The following KCNIP1 variants were observed in gnomAD, a reference collection of about 807,000 sequenced individuals.
KCNIP1 encodes the protein A-type potassium channel modulatory protein KCNIP1.
Under a neutral mutation model 33.0 loss-of-function variants are expected in KCNIP1, and 18 were observed. That is an observed-to-expected ratio of 0.55 (90% CI 0.38 to 0.81). The LOEUF is 0.81. Ranked by LOEUF, KCNIP1 falls within the 30% of genes least tolerant of loss-of-function variation. KCNIP1 has a pLI of 0.00. For synonymous variants in KCNIP1, 93 were observed against 98.3 expected, an observed-to-expected ratio of 0.95 and a Z score of 0.32; for missense variants, 238 against 271.6, an observed-to-expected ratio of 0.88 and a Z score of 0.87.
intron 1 of KCNIP1, among the ~76,000 whole-genome samples, chr5:170,563,370 G>T (rs754210287): frequency 6.6e-6 from 1 of 152,102 alleles, no homozygotes; most frequent in African/African-American, 2.4e-5. Context: ...GCTGGACTCG[G>T]GCCCACAATC....
At chr5:170,502,058 C>A (rs944780104), upstream of KCNIP1, among the ~76,000 whole-genome samples, 1 of 152,194 alleles carries the variant, frequency 6.6e-6, no homozygotes, top group African/African-American at 2.4e-5. Context: ...CCCAGGAGAC[C>A]ACGACAGAGG....
rs557550019 is a variant in KCNIP1 at position 170,600,863 on chromosome 5, C to T, written c.61+96230C>T. On this transcript the variant is annotated intron_variant, in intron 1 of 7. Transcript: ENST00000328939. Reference sequence around the variant, plus strand: ...CGGTCGCTGTGAGGTGTAATGAGATCGCACATATAAATTGATTAGTGCAGG... The same window carrying T: ...CGGTCGCTGTGAGGTGTAATGAGATTGCACATATAAATTGATTAGTGCAGG... Among the ~76,000 whole-genome samples the T allele has an allele frequency of 8.5e-5, 13 of 152,274 alleles. No individual in the cohort carries two copies. In the South Asian group the frequency reaches 1.5e-3, roughly 17 times the overall value.
At chr5:170,519,722 C>T (rs1274763782) in intron 1 of KCNIP1, among the ~76,000 whole-genome samples, 1 of 151,950 alleles carries the variant, frequency 6.6e-6, no homozygotes, top group Non-Finnish European at 1.5e-5. Flanking sequence ...AATCTTGGAA[C>T]AAAGTCAAGA....
chr5:170,527,570 A>T (rs966354079), intron 1 of KCNIP1, among the ~76,000 whole-genome samples: 1 of 151,902 alleles, frequency 6.6e-6, no homozygotes, highest in Non-Finnish European at 1.5e-5. Context: ...TCACAGCTGC[A>T]GCAGAACCAG....
intron 6 of KCNIP1, 100 bp from the exon 7 acceptor site, chr5:170,733,736 C>A: frequency 1.0e-6 from 1 of 970,088 alleles, no homozygotes; most frequent in Non-Finnish European, 1.6e-6. Flanking sequence ...ATGAAATGAG[C>A]TCCAGCTCGT....
At chr5:170,654,512 C>CAT (rs1015849366) in intron 1 of KCNIP1, among the ~76,000 whole-genome samples, 1 of 152,118 alleles carries the variant, frequency 6.6e-6, no homozygotes, top group Non-Finnish European at 1.5e-5. Flanking sequence ...GTAGGAAATG[C>CAT]ATATATATAA....
chr5:170,383,491 G>A (rs1196779779), intron 1 of KCNIP1: 20 of 664,966 alleles, frequency 3.0e-5, no homozygotes, highest in Non-Finnish European at 4.0e-5. Flanking sequence ...GCCAGTTAGC[G>A]GCAGATTCAA....
chr5:170,539,808 G>A (rs961840198), intron 1 of KCNIP1, among the ~76,000 whole-genome samples: 1 of 152,044 alleles, frequency 6.6e-6, no homozygotes, highest in Non-Finnish European at 1.5e-5. Flanking sequence ...GGGAAGTGAG[G>A]GGCTGAATTG....
At position 170,618,522 on chromosome 5, in the gene KCNIP1, G is replaced by A. The variant is rs1376662018; in HGVS notation, c.62-100236G>A. ...AGGGAGGAAAGGAGGAAGGAAGGGA[G>A]GGAGGGAGGGAGGAAAGGAGGGAGG... is the stretch of plus-strand genomic sequence containing the variant. On this transcript the variant is annotated intron_variant, in intron 1 of 7. Transcript: ENST00000328939. Among the ~76,000 whole-genome samples, 14 of 109,768 alleles carry A rather than the reference G, an allele frequency of 1.3e-4. 1 individual carries two copies. The highest frequency in any genetic ancestry group is 2.5e-4 in the Non-Finnish European group (13 of 51,892). The allele number at this position is 109,768 out of a possible 152,430, so 72.0% of individuals were successfully genotyped here.
chr5:170,442,515 T>A (rs1756017151), intron 1 of KCNIP1, among the ~76,000 whole-genome samples: 1 of 152,156 alleles, frequency 6.6e-6, no homozygotes, highest in Non-Finnish European at 1.5e-5. Flanking sequence ...GGCCTCGTTC[T>A]GCGTTCAGGA....
chr5:170,442,538 G>GA (rs1756017739), intron 1 of KCNIP1, among the ~76,000 whole-genome samples: 1 of 152,110 alleles, frequency 6.6e-6, no homozygotes, highest in South Asian at 2.1e-4. Context: ...AGTTTCTCCA[G>GA]GGAAAGGCCT....
At chr5:170,667,004 A>G (rs529436459) in intron 1 of KCNIP1, among the ~76,000 whole-genome samples, 32 of 152,378 alleles carry the variant, frequency 2.1e-4, no homozygotes, top group Non-Finnish European at 3.8e-4. Context: ...CTGGTAAGAA[A>G]CAGGTATTTT....
At chr5:170,366,597 C>T (rs1424364302) in intron 1 of KCNIP1, among the ~76,000 whole-genome samples, 3 of 152,244 alleles carry the variant, frequency 2.0e-5, no homozygotes, top group Non-Finnish European at 1.5e-5. Context: ...CAGTATGTGA[C>T]TGGAAGTCAA....
At chr5:170,643,652 A>G (rs563574230) in intron 1 of KCNIP1, among the ~76,000 whole-genome samples, 5 of 152,374 alleles carry the variant, frequency 3.3e-5, no homozygotes, top group African/African-American at 1.2e-4. Flanking sequence ...TGAGCCTCTC[A>G]TCAGACCTCA....
chr5:170,466,565 T>C (rs911205990), intron 1 of KCNIP1, among the ~76,000 whole-genome samples: 1 of 152,230 alleles, frequency 6.6e-6, no homozygotes, highest in African/African-American at 2.4e-5. Flanking sequence ...GCATTCAGGC[T>C]GCTATAACAA....
chr5:170,719,709 T>C (rs936752227), intron 2 of KCNIP1, among the ~76,000 whole-genome samples: 1 of 152,006 alleles, frequency 6.6e-6, no homozygotes, highest in Non-Finnish European at 1.5e-5. Context: ...CTCCTGGGAG[T>C]TATCTGACAG....
chr5:170,591,659 AT>A (rs1474415556), intron 1 of KCNIP1, among the ~76,000 whole-genome samples: 1 of 152,116 alleles, frequency 6.6e-6, no homozygotes, highest in Non-Finnish European at 1.5e-5. Flanking sequence ...ATCTCTACAA[AT>A]TTGACTACTC....
intron 1 of KCNIP1, among the ~76,000 whole-genome samples, chr5:170,541,118 A>G (rs1254139433): frequency 6.6e-6 from 1 of 152,186 alleles, no homozygotes; most frequent in Non-Finnish European, 1.5e-5. Context: ...GACTTTGGAC[A>G]AGGCCCTTCC....
In KCNIP1 at chr5:170,365,293, TG is replaced by T. The variant is rs145932820; in HGVS notation, c.88+11330del. ...CATTCCCTACAGGCTCGGCACTGCA[TG>T]CCCTTTAAAGGTTCCAGTTCTGTAT... On this transcript the variant is annotated intron_variant, in intron 1 of 7. Coordinates refer to the KCNIP1 transcript ENST00000377360. 9.5e-3 allele frequency among the ~76,000 whole-genome samples: 1,442 copies of T among 152,326 alleles called. 62 individuals carry two copies. Among genetic ancestry groups the T allele is most frequent in the Admixed American group, 0.072 (1,096 of 15,306 alleles).
Sources: allele counts gnomAD v4.1 joint callset (sites outside exome capture counted in the v4.1 genomes callset), GRCh38; gene constraint gnomAD v4.1.1; transcripts MANE v1.5; gene names NCBI Gene and HGNC (gene_info 2026-07-23, HGNC 2026-07-21).